FRMD3: variants seen among roughly 807,000 people sequenced by gnomAD.
FRMD3 encodes FERM domain containing 3.
In FRMD3, 33 loss-of-function variants were observed where a neutral mutation model predicts 70.2. That is an observed-to-expected ratio of 0.47 (90% CI 0.36 to 0.63). The LOEUF is 0.63. Among genes scored for constraint, FRMD3 ranks in the 20% least tolerant of loss-of-function variants. The probability of loss-of-function intolerance (pLI) is 0.00; values close to 1 mark genes in which losing one functional copy is unlikely to be tolerated. For synonymous variants in FRMD3, 279 were observed against 255.9 expected (o/e 1.09, Z -0.86); for missense variants, 632 against 711.4 (o/e 0.89, Z 1.27).
intron 1 of FRMD3, among the ~76,000 whole-genome samples, chr9:83,487,809 A>G (rs1828720977): frequency 6.6e-6 from 1 of 152,218 alleles, no homozygotes; most frequent in South Asian, 2.1e-4. Context: ...AGGCTTTAGA[A>G]GATGAATAGG....
At chr9:83,437,178 T>C (rs1199565388) in intron 1 of FRMD3, among the ~76,000 whole-genome samples, 3 of 152,244 alleles carry the variant, frequency 2.0e-5, no homozygotes, top group Non-Finnish European at 4.4e-5. Context: ...TATTTGCTAA[T>C]CTTAAAGGTC....
chr9:83,358,422 T>C (rs1358000435), intron 3 of FRMD3, among the ~76,000 whole-genome samples: 1 of 152,180 alleles, frequency 6.6e-6, no homozygotes, highest in Non-Finnish European at 1.5e-5. Flanking sequence ...TGGGCTCTTT[T>C]TTGGTTCCAT....
chr9:83,511,668 C>T (rs564267298), intron 1 of FRMD3, among the ~76,000 whole-genome samples: 2 of 152,248 alleles, frequency 1.3e-5, no homozygotes, highest in South Asian at 4.2e-4. Context: ...AGCTGCTGTA[C>T]CTCTTGGCTT....
At chr9:83,305,332 T>C (rs1165553068) in intron 10 of FRMD3, among the ~76,000 whole-genome samples, 1 of 152,224 alleles carries the variant, frequency 6.6e-6, no homozygotes, top group Admixed American at 6.5e-5. Context: ...GGGGCAGTAA[T>C]ACAGCAGCAG....
At position 83,448,280 on chromosome 9, in the gene FRMD3, C is replaced by T. The variant is rs529319018; in HGVS notation, c.148-58572G>A. ...GCATACCCACCTCTGCCACAGTCCC[C>T]ACCGCTCCCTATTGTCTCACTCCTG... On this transcript the variant is annotated intron_variant, in intron 1 of 13. Coordinates refer to ENST00000304195, the MANE Select transcript of FRMD3 (RefSeq NM_174938.6). Among the ~76,000 whole-genome samples the T allele has an allele frequency of 4.6e-5, 7 of 152,282 alleles. No homozygotes were observed. In the South Asian group the frequency reaches 1.5e-3, roughly 32 times the overall value.
At chr9:83,251,171 T>C (rs1832403853) in intron 13 of FRMD3, among the ~76,000 whole-genome samples, 1 of 152,204 alleles carries the variant, frequency 6.6e-6, no homozygotes, top group Non-Finnish European at 1.5e-5. Flanking sequence ...CTGGCTGCCA[T>C]CTTTGCTGTT....
At position 83,416,774 on chromosome 9, in the gene FRMD3, TCTCTCTCTCTCTCA is replaced by T. The variant is rs1197836094; in HGVS notation, c.148-27080_148-27067del. Among the ~76,000 whole-genome samples, 327 of 128,132 alleles carry T rather than the reference TCTCTCTCTCTCTCA, an allele frequency of 2.6e-3. 2 individuals are homozygous for T. Among genetic ancestry groups the T allele is most frequent in the Admixed American group, 4.5e-3 (59 of 13,058 alleles). 84.1% of individuals were successfully genotyped at this position (128,132 alleles called of 152,430 possible). ...CTCTCTCTCTCTCTCTCTCTCTCTC[TCTCTCTCTCTCTCA>T]CTCTCTCTCTCTCTTACTCTTTCAC... On this transcript the variant is annotated intron_variant, in intron 1 of 13. Coordinates refer to ENST00000304195, the MANE Select transcript of FRMD3 (RefSeq NM_174938.6).
chr9:83,498,120 A>C (rs1188454624), intron 1 of FRMD3, among the ~76,000 whole-genome samples: 1 of 151,992 alleles, frequency 6.6e-6, no homozygotes, highest in Non-Finnish European at 1.5e-5. Flanking sequence ...CAGTGAGCTG[A>C]GAGTGTGCCA....
chr9:83,295,360 T>A (rs1587690494), intron 12 of FRMD3, among the ~76,000 whole-genome samples: 1 of 152,126 alleles, frequency 6.6e-6, no homozygotes, highest in Non-Finnish European at 1.5e-5. Context: ...AGTTCCTATA[T>A]CCCTCCTTGA....
At chr9:83,491,841 ACAG>A (rs1424281690) in intron 1 of FRMD3, among the ~76,000 whole-genome samples, 5 of 152,202 alleles carry the variant, frequency 3.3e-5, no homozygotes, top group African/African-American at 1.2e-4. Flanking sequence ...AAAGCGTATT[ACAG>A]TGATATGCAT....
the FRMD3 span, among the ~76,000 whole-genome samples, chr9:83,570,503 A>G: frequency 6.6e-6 from 1 of 152,238 alleles, no homozygotes; most frequent in African/African-American, 2.4e-5. Context: ...AAATAATGCA[A>G]TGAGTACAAA....
Position 83,306,598 on chromosome 9 carries a change from C to CT in FRMD3, c.926+2937dup, listed in dbSNP as rs936281517. Among the ~76,000 whole-genome samples the CT allele has an allele frequency of 4.6e-5, 7 of 151,422 alleles. No individual in the cohort carries two copies. The East Asian group carries it at 5.8e-4, about 13-fold the overall frequency. ...CTCTGGATTCCTCTCTAGCTTTTTT[C>CT]TTTTTTTTTCATTTCCCCCTTGGTC... is the stretch of plus-strand genomic sequence containing the variant. On this transcript the variant is annotated intron_variant, in intron 10 of 13. Transcript: ENST00000304195.
intron 3 of FRMD3, among the ~76,000 whole-genome samples, chr9:83,358,690 A>ATTT (rs1444491803): frequency 6.7e-6 from 1 of 149,754 alleles, no homozygotes; most frequent in African/African-American, 2.4e-5. Context: ...TTATTTATTT[A>ATTT]TTTATTTATT....
At chr9:83,434,503 C>T (rs148436849) in intron 1 of FRMD3, among the ~76,000 whole-genome samples, 780 of 152,326 alleles carry the variant, frequency 5.1e-3, no homozygotes, top group Non-Finnish European at 7.9e-3. Context: ...ATGGCACTCA[C>T]AAGCCCAATA....
intron 12 of FRMD3, 86 bp downstream of exon 12, chr9:83,298,662 A>C (rs1834773108): frequency 7.1e-6 from 7 of 984,594 alleles, no homozygotes; most frequent in African/African-American, 1.6e-5. Context: ...TTAATGCTGT[A>C]TGTCACTACA....
chr9:83,298,767 C>T lies in FRMD3; in HGVS notation c.1051G>A (p.Glu351Lys). 1 of 1,614,184 alleles carries T rather than the reference C, an allele frequency of 6.2e-7. No homozygotes were observed. The highest frequency in any genetic ancestry group is 8.5e-7 in the Non-Finnish European group (1 of 1,180,010). ...ACTCACCTGTGCACCTCAGGAGGCT[C>T]CCTCTGGATCTTGGAACTGGCCTCC... is the stretch of plus-strand genomic sequence containing the variant. ...VVEASSKIQR[E>K]PPEVHRANIT... The change falls in exon 12 of 14, where the codon GAG (glutamate) becomes AAG (lysine). Residue 351 changes from glutamate (E) to lysine (K), a missense_variant. By Grantham distance (56) the Glu-to-Lys change is moderately conservative. This residue lies in a region of FRMD3 where 418 missense variants were observed against 442.1 expected (regional missense o/e 0.95). Transcript: ENST00000304195.
intron 2 of FRMD3, among the ~76,000 whole-genome samples, chr9:83,376,125 A>T (rs1020928124): frequency 3.1e-4 from 46 of 149,188 alleles, no homozygotes; most frequent in African/African-American, 1.1e-3. Flanking sequence ...GCGCCATTGC[A>T]CTCCAGCCTG....
In FRMD3 at chr9:83,359,726, C is replaced by A. The variant is rs527867250; in HGVS notation, c.296-9969G>T. Among the ~76,000 whole-genome samples, 5 of 152,172 alleles carry A rather than the reference C, an allele frequency of 3.3e-5. No homozygotes were observed. In the South Asian group the frequency reaches 8.3e-4, roughly 25 times the overall value. Reference sequence around the variant, plus strand: ...TTTTCAACCATTTAAAAATGTGAAACCTATTCCTAGACCAAAGGCCATATG... The same window carrying A: ...TTTTCAACCATTTAAAAATGTGAAAACTATTCCTAGACCAAAGGCCATATG... On this transcript the variant is annotated intron_variant, in intron 3 of 13. Coordinates refer to ENST00000304195, the MANE Select transcript of FRMD3 (RefSeq NM_174938.6).
chr9:83,244,888 CT>C lies in FRMD3; in HGVS notation c.*3029del, dbSNP rs1349335896. 10 of 959,410 alleles carry C rather than the reference CT, an allele frequency of 1.0e-5. No homozygotes were observed. In the African/African-American group the frequency reaches 2.8e-4, roughly 27 times the overall value. The allele number at this position is 959,410 out of a possible 1,614,324, so 59.4% of individuals were successfully genotyped here. On this transcript the variant is annotated 3_prime_UTR_variant, in exon 14 of 14. Transcript: ENST00000304195. Reference sequence around the variant, plus strand: ...TTTTTCAAGCACAGACAAATACATACTTTACTTTACCTACATTGTTTTCATG... The same window carrying C: ...TTTTTCAAGCACAGACAAATACATACTTACTTTACCTACATTGTTTTCATG...
Sources: gnomAD v4.1 joint callset for allele counts (sites outside exome capture counted in the v4.1 genomes callset) on GRCh38, gnomAD v4.1.1 for gene constraint, gnomAD v4.1.1 regional missense constraint, MANE v1.5 for transcripts, NCBI Gene and HGNC (gene_info 2026-07-23, HGNC 2026-07-21) for gene names.